The following INTS1 variants were observed in gnomAD, a reference collection of about 807,000 sequenced individuals.
INTS1 encodes integrator complex subunit 1.
In INTS1, 137 loss-of-function variants were observed where a neutral mutation model predicts 241.6. The ratio of observed to expected loss-of-function variants is 0.57; its 90% confidence interval spans 0.49 to 0.65. The LOEUF is 0.65. Ranked by LOEUF, INTS1 falls within the 30% of genes least tolerant of loss-of-function variation. INTS1 has a pLI of 0.00. For synonymous variants in INTS1, 1,692 were observed against 1,337.8 expected, an observed-to-expected ratio of 1.26 and a Z score of -5.78; for missense variants, 3,073 against 3,032.2, an observed-to-expected ratio of 1.01 and a Z score of -0.32.
At chr7:1,484,262 G>C in intron 24 of INTS1, 92 bp from the exon 25 acceptor site, 1 of 1,361,704 alleles carries the variant, frequency 7.3e-7, no homozygotes, top group Non-Finnish European at 1.0e-6. Context: ...GCTCTCACTG[G>C]GATCTTAAGC....
In INTS1 at chr7:1,478,623, C is replaced by G. The variant is rs370949173; in HGVS notation, c.4489+103G>C. 5.0e-5 allele frequency: 74 copies of G among 1,491,818 alleles called. 1 individual carries two copies. The East Asian group carries it at 8.4e-4, about 17-fold the overall frequency. The allele number at this position is 1,491,818 out of a possible 1,614,324, so 92.4% of individuals were successfully genotyped here. On this transcript the variant is annotated intron_variant, in intron 32 of 47. Coordinates refer to ENST00000404767, the MANE Select transcript of INTS1 (RefSeq NM_001080453.3). ...CTGGGCCCACGCGGGTACCCACCCC[C>G]CAAGCCACTGCCCAGGCCTCGGGGT... is the stretch of plus-strand genomic sequence containing the variant.
intron 44 of INTS1, 132 bp downstream of exon 44, chr7:1,472,141 C>A: frequency 1.4e-6 from 1 of 692,162 alleles, no homozygotes; most frequent in Non-Finnish European, 2.5e-6. Context: ...TGAGGAACAG[C>A]CCACCCACCC....
intron 43 of INTS1, 136 bp downstream of exon 43, chr7:1,472,936 G>T: frequency 1.7e-6 from 1 of 580,762 alleles, no homozygotes; most frequent in Non-Finnish European, 3.0e-6. Flanking sequence ...TCAGGGGCCA[G>T]CCAGCAAGGT....
chr7:1,478,249 T>C, intron 33 of INTS1, 117 bp downstream of exon 33: 1 of 1,202,378 alleles, frequency 8.3e-7, no homozygotes, highest in South Asian at 1.4e-5. Context: ...TGTGGGCACT[T>C]TCCGGGGACA....
chr7:1,495,292 T>C, intron 13 of INTS1, 141 bp downstream of exon 13: 1 of 1,034,892 alleles, frequency 9.7e-7, no homozygotes, highest in Non-Finnish European at 1.4e-6. Context: ...TTGTCCCGGC[T>C]TAGTGGGGTG....
chr7:1,488,430 T>C lies in INTS1; in HGVS notation c.2319-473A>G, dbSNP rs549739013. Among the ~76,000 whole-genome samples the C allele has an allele frequency of 1.6e-4, 24 of 152,154 alleles. No homozygotes were observed. The South Asian group carries it at 3.3e-3, about 21-fold the overall frequency. ...CATGGCCGCTCTAATCTGAGCTCTG[T>C]CCCCAAGGCCCCAAAGTCAGTCTGC... On this transcript the variant is annotated intron_variant, in intron 18 of 47. Coordinates refer to ENST00000404767, the MANE Select transcript of INTS1 (RefSeq NM_001080453.3).
At chr7:1,487,566 T>C in intron 19 of INTS1, 117 bp from the exon 20 acceptor site, 1 of 1,377,388 alleles carries the variant, frequency 7.3e-7, no homozygotes, top group Non-Finnish European at 9.9e-7. Flanking sequence ...GGGCAACCCA[T>C]CCTGACCTGG....
chr7:1,499,209 C>A, intron 7 of INTS1, 46 bp downstream of exon 7: 1 of 1,603,864 alleles, frequency 6.2e-7, no homozygotes, highest in Non-Finnish European at 8.5e-7. Flanking sequence ...CCCCGAGGCG[C>A]CCGCCCCCGC....
intron 16 of INTS1, among the ~76,000 whole-genome samples, chr7:1,491,699 G>A (rs1170903964): frequency 6.6e-6 from 1 of 152,196 alleles, no homozygotes; most frequent in Non-Finnish European, 1.5e-5. Context: ...CCAGAGGTTT[G>A]AAAACAGCCT....
Position 1,495,652 on chromosome 7 carries a change from G to A in INTS1, c.1712-99C>T, listed in dbSNP as rs567298908. 1.2e-5 allele frequency: 18 copies of A among 1,442,580 alleles called. 1 individual carries two copies. The South Asian group carries it at 1.9e-4, about 15-fold the overall frequency. The allele number at this position is 1,442,580 out of a possible 1,614,324, so 89.4% of individuals were successfully genotyped here. A position where few individuals can be genotyped will look rare whatever the true frequency, so the allele number is the denominator to read the frequency against. On this transcript the variant is annotated intron_variant, in intron 12 of 47. Transcript: ENST00000404767. ...AACTCAATGCTGGCACTTGGGAGGG[G>A]GTAACTCAGGGCACCCCCAGCTTCT...
At chr7:1,480,789 C>G (rs762822350) in intron 29 of INTS1, 46 bp downstream of exon 29, 37 of 1,462,412 alleles carry the variant, frequency 2.5e-5, no homozygotes, top group African/African-American at 8.4e-5. Flanking sequence ...TGGCCCCACC[C>G]CTCCCCAGGC....
intron 18 of INTS1, among the ~76,000 whole-genome samples, chr7:1,488,613 T>C (rs536565707): frequency 1.3e-5 from 2 of 151,800 alleles, no homozygotes; most frequent in African/African-American, 4.8e-5. Context: ...ACGTACCCGA[T>C]CCCAACGCCA....
chr7:1,499,708 G>A (rs886291027), intron 5 of INTS1, 76 bp from the exon 6 acceptor site: 17 of 1,507,416 alleles, frequency 1.1e-5, no homozygotes, highest in Admixed American at 6.4e-5. Flanking sequence ...CCTGCTGCCC[G>A]GGGACTGGGT....
At position 1,490,870 on chromosome 7, in the gene INTS1, G is replaced by A. The variant is rs143561439; in HGVS notation, c.2166-1188C>T. 4.0e-3 allele frequency among the ~76,000 whole-genome samples: 604 copies of A among 152,328 alleles called. 2 individuals are homozygous for A. Among genetic ancestry groups the A allele is most frequent in the Non-Finnish European group, 6.2e-3 (419 of 68,036 alleles). ...AGACGGACAGAACAGACGTGCAGAC[G>A]GACAGAATGGAGCTGAGTCGAGAGG... On this transcript the variant is annotated intron_variant, in intron 16 of 47. Transcript: ENST00000404767.
At chr7:1,503,874 C>T (rs1303486925) in intron 2 of INTS1, 29 bp downstream of exon 2, 2 of 1,538,460 alleles carry the variant, frequency 1.3e-6, no homozygotes, top group Non-Finnish European at 1.8e-6. Flanking sequence ...CAAAGACCCC[C>T]GGGCTGCAGA....
Position 1,493,134 on chromosome 7 carries a change from T to C in INTS1, c.2069-28A>G, listed in dbSNP as rs1562511688. On this transcript the variant is annotated intron_variant, in intron 15 of 47. Transcript: ENST00000404767. The surrounding 1 kb of genome is among the most constrained non-coding windows in gnomAD (Gnocchi z 5.3). ...AAGACCAAGAGCCACACATGGGTTC[T>C]GGGGCTGCTCACAGACCATCAGGCA... The C allele has an allele frequency of 4.7e-6, 7 of 1,492,062 alleles. No homozygotes were observed. In the East Asian group the frequency reaches 1.7e-4, roughly 35 times the overall value. 92.4% of individuals were successfully genotyped at this position (1,492,062 alleles called of 1,614,324 possible).
rs778194828 is a variant in INTS1, at chr7:1,499,321, C to T, written c.884G>A (p.Ser295Asn). The change falls in exon 7 of 48, where the codon AGC becomes AAC. Residue 295 changes from serine (S) to asparagine (N), a missense_variant. By Grantham distance (46) the Ser-to-Asn change is conservative (BLOSUM62 1). Coordinates refer to ENST00000404767, the MANE Select transcript of INTS1 (RefSeq NM_001080453.3). ...PHPSLTEEED[S>N]QTELLIAEEK... is the part of the protein sequence containing the mutation. ...CTCCGCGATCAGCAACTCCGTCTGGCTGTCCTCCTCCTCCGTGAGGGAGGG... is the reference window on the plus strand; with the variant it reads ...CTCCGCGATCAGCAACTCCGTCTGGTTGTCCTCCTCCTCCGTGAGGGAGGG... The T allele has an allele frequency of 2.5e-6, 4 of 1,603,332 alleles. No homozygotes were observed. The highest frequency in any genetic ancestry group is 1.7e-4 in the Middle Eastern group (1 of 6,022).
At chr7:1,475,680 G>A (rs1781680928) in intron 39 of INTS1, among the ~76,000 whole-genome samples, 1 of 151,852 alleles carries the variant, frequency 6.6e-6, no homozygotes, top group South Asian at 2.1e-4. Context: ...CAGGTGAACA[G>A]ATAAACCAAC....
At position 1,485,412 on chromosome 7, in the gene INTS1, G is replaced by A. The variant is rs763380995; in HGVS notation, c.3034C>T (p.Pro1012Ser). 1.9e-6 allele frequency: 3 copies of A among 1,612,844 alleles called. No homozygotes were observed. The highest frequency in any genetic ancestry group is 3.3e-5 in the Admixed American group (2 of 60,026). ...GTGTCCCCCACATCCTCCTCCATGG[G>A]GGGCTCCTTCTCCTCCCCGTCCCGC... ...SLRDGEEKEPPMEEDVGDTDV... is the reference protein window; with the variant it reads ...SLRDGEEKEPSMEEDVGDTDV... The change falls in exon 23 of 48, where the codon CCC (proline) becomes TCC (serine). Residue 1012 changes from proline to serine, a missense_variant. Pro to Ser is a moderately conservative substitution (Grantham distance 74, BLOSUM62 -1). Transcript: ENST00000404767.
Sources: gnomAD v4.1 joint callset for allele counts (sites outside exome capture counted in the v4.1 genomes callset) on GRCh38, gnomAD v4.1.1 for gene constraint, Gnocchi (gnomAD v3.1) non-coding constraint, MANE v1.5 for transcripts, NCBI Gene and HGNC (gene_info 2026-07-23, HGNC 2026-07-21) for gene names.